The following SEPTIN14 variants were observed in gnomAD, a reference collection of about 807,000 sequenced individuals.
SEPTIN14 encodes the protein septin 14.
A neutral mutation model predicts 53.6 loss-of-function variants in SEPTIN14; 40 were observed. That is an observed-to-expected ratio of 0.75 (90% CI 0.58 to 0.97). The LOEUF (loss-of-function observed/expected upper bound fraction) is 0.97, where lower values mean the gene tolerates loss of function less well. SEPTIN14 is among the 50% of genes least tolerant of loss of function. The pLI is 0.00. For missense variants in SEPTIN14, 471 were observed against 508.2 expected (o/e 0.93, Z 0.70); for synonymous variants, 138 against 166.8 (o/e 0.83, Z 1.33).
chr7:55,836,305 A>G (rs1458587481), intron 5 of SEPTIN14, among the ~76,000 whole-genome samples: 1 of 152,218 alleles, frequency 6.6e-6, no homozygotes, highest in African/African-American at 2.4e-5. Flanking sequence ...ACAAAATTAT[A>G]TAATGTTTTA....
At chr7:55,832,094 C>T (rs898671491) in intron 6 of SEPTIN14, among the ~76,000 whole-genome samples, 11 of 151,858 alleles carry the variant, frequency 7.2e-5, no homozygotes, top group African/African-American at 1.7e-4. Flanking sequence ...CCCAGCTACT[C>T]GGAGGCTGAG....
rs1282819507 is a variant in SEPTIN14 at position 55,846,081 on chromosome 7, ATATATATATATG to A, written c.175+424_175+435del. Reference sequence around the variant, plus strand: ...AAAAAAAAAGTATATATATATATATATATATATATATGTATACATGCTAGCCCTGATTCTCTC... The same window carrying A: ...AAAAAAAAAGTATATATATATATATATATACATGCTAGCCCTGATTCTCTC... On this transcript the variant is annotated intron_variant, in intron 3 of 9. Coordinates refer to ENST00000388975, the MANE Select transcript of SEPTIN14 (RefSeq NM_207366.3). Among the ~76,000 whole-genome samples, 702 of 128,072 alleles carry A rather than the reference ATATATATATATG, an allele frequency of 5.5e-3. 22 individuals carry two copies. Among genetic ancestry groups the A allele is most frequent in the African/African-American group, 0.018 (648 of 35,764 alleles). 84.0% of individuals were successfully genotyped at this position (128,072 alleles called of 152,430 possible). A position where few individuals can be genotyped will look rare whatever the true frequency, so the allele number is the denominator to read the frequency against.
chr7:55,836,496 T>C (rs1016583694), intron 5 of SEPTIN14, among the ~76,000 whole-genome samples: 1 of 152,152 alleles, frequency 6.6e-6, no homozygotes, highest in Admixed American at 6.6e-5. Flanking sequence ...CCCAGCACTT[T>C]GGGAGGCCAA....
chr7:55,802,723 C>A (rs1488384238), intron 9 of SEPTIN14, among the ~76,000 whole-genome samples: 1 of 150,932 alleles, frequency 6.6e-6, no homozygotes, highest in African/African-American at 2.4e-5. Context: ...AAAGCATAGA[C>A]AACATAGGCA....
At chr7:55,842,107 C>T (rs572674008) in intron 5 of SEPTIN14, among the ~76,000 whole-genome samples, 1 of 152,182 alleles carries the variant, frequency 6.6e-6, no homozygotes, top group African/African-American at 2.4e-5. Flanking sequence ...CGTACAGTAC[C>T]ATGCTGTCCA....
At chr7:55,827,303 G>C (rs116895654) in intron 6 of SEPTIN14, among the ~76,000 whole-genome samples, 1 of 152,210 alleles carries the variant, frequency 6.6e-6, no homozygotes, top group Non-Finnish European at 1.5e-5. Context: ...GAACAGGCAA[G>C]CCACAGGGCT....
chr7:55,848,485 C>T (rs894515750), intron 2 of SEPTIN14, among the ~76,000 whole-genome samples: 4 of 151,596 alleles, frequency 2.6e-5, no homozygotes, highest in Admixed American at 6.6e-5. Context: ...TTGATAGAGA[C>T]GGGGTCGCAC....
chr7:55,803,279 G>A lies in SEPTIN14; in HGVS notation c.1119+1979C>T, dbSNP rs190119697. 3.4e-4 allele frequency among the ~76,000 whole-genome samples: 52 copies of A among 152,014 alleles called. 1 individual carries two copies. The highest frequency in any genetic ancestry group is 3.4e-3 in the Middle Eastern group (1 of 294). On this transcript the variant is annotated intron_variant, in intron 9 of 9. Transcript: ENST00000388975. ...TAAAAGAAGACATAAAAGGCAAATA[G>A]GGATATGAAAAAAATATTCAACCTC...
intron 6 of SEPTIN14, among the ~76,000 whole-genome samples, chr7:55,821,227 G>A (rs1239937366): frequency 6.6e-6 from 1 of 152,106 alleles, no homozygotes; most frequent in East Asian, 1.9e-4. Flanking sequence ...GAAGATGGGG[G>A]CCCTGACCAT....
chr7:55,856,871 G>A (rs1789637599), intron 2 of SEPTIN14, among the ~76,000 whole-genome samples: 2 of 152,014 alleles, frequency 1.3e-5, no homozygotes, highest in Middle Eastern at 3.4e-3. Context: ...TCAGGAGTTT[G>A]AGAGCAGCTT....
At chr7:55,804,946 T>C (rs1210767491) in intron 9 of SEPTIN14, among the ~76,000 whole-genome samples, 1 of 152,184 alleles carries the variant, frequency 6.6e-6, no homozygotes, top group African/African-American at 2.4e-5. Context: ...AGTACAAGAC[T>C]CTTCTCAGAG....
intron 8 of SEPTIN14, 82 bp downstream of exon 8, chr7:55,807,008 C>T: frequency 1.0e-6 from 1 of 981,478 alleles, no homozygotes; most frequent in Non-Finnish European, 1.5e-6. Flanking sequence ...TATAATTATT[C>T]TCATATCCAA....
chr7:55,799,266 G>A (rs941614276), intron 9 of SEPTIN14, among the ~76,000 whole-genome samples: 3 of 151,566 alleles, frequency 2.0e-5, no homozygotes, highest in Admixed American at 6.6e-5. Flanking sequence ...AGCACTTTGG[G>A]AGGCCAAGGC....
intron 6 of SEPTIN14, among the ~76,000 whole-genome samples, chr7:55,830,333 A>T (rs1789079894): frequency 3.0e-5 from 1 of 32,876 alleles, no homozygotes; most frequent in African/African-American, 1.6e-4. Flanking sequence ...ATATATATAT[A>T]TATATATATA....
chr7:55,811,691 G>T, intron 7 of SEPTIN14, among the ~76,000 whole-genome samples: 1 of 151,010 alleles, frequency 6.6e-6, no homozygotes, highest in Non-Finnish European at 1.5e-5. Context: ...TAGAGAAGGG[G>T]TTTCACCATG....
intron 9 of SEPTIN14, among the ~76,000 whole-genome samples, chr7:55,800,523 C>T (rs1394254948): frequency 2.6e-5 from 4 of 151,982 alleles, no homozygotes; most frequent in African/African-American, 9.7e-5. Flanking sequence ...ACTTGGGAGG[C>T]TGAGGCAGGA....
At chr7:55,859,649 C>T (rs1789708411) in intron 2 of SEPTIN14, among the ~76,000 whole-genome samples, 2 of 152,034 alleles carry the variant, frequency 1.3e-5, no homozygotes, top group South Asian at 4.1e-4. Flanking sequence ...TTTTATCCCT[C>T]TCTCCCTTCC....
intron 7 of SEPTIN14, among the ~76,000 whole-genome samples, chr7:55,809,179 A>G (rs1788655225): frequency 6.6e-6 from 1 of 152,152 alleles, no homozygotes; most frequent in African/African-American, 2.4e-5. Flanking sequence ...CAAATACCAC[A>G]TACTCTCATT....
intron 2 of SEPTIN14, among the ~76,000 whole-genome samples, chr7:55,852,555 A>T (rs1403849954): frequency 6.6e-6 from 1 of 152,198 alleles, no homozygotes; most frequent in African/African-American, 2.4e-5. Context: ...AATTAAAGAC[A>T]TAAATCTAAG....
Sources: allele counts gnomAD v4.1 joint callset (sites outside exome capture counted in the v4.1 genomes callset), GRCh38; gene constraint gnomAD v4.1.1; transcripts MANE v1.5; gene names NCBI Gene and HGNC (gene_info 2026-07-23, HGNC 2026-07-21).